UBE3A: variants seen among roughly 807,000 people sequenced by gnomAD.
UBE3A encodes the protein ubiquitin-protein ligase E3A.
A neutral mutation model predicts 83.4 loss-of-function variants in UBE3A; 6 were observed. The ratio of observed to expected loss-of-function variants is 0.07; its 90% CI spans 0.04 to 0.14. The LOEUF (loss-of-function observed/expected upper bound fraction) is 0.14. Among genes scored for constraint, UBE3A ranks in the 10% least tolerant of loss-of-function variants. The pLI is 1.00. For missense variants in UBE3A, 456 were observed against 1,036.1 expected (o/e 0.44, Z 7.69); for synonymous variants, 337 against 355.4 (o/e 0.95, Z 0.58).
intron 11 of UBE3A, among the ~76,000 whole-genome samples, chr15:25,342,377 A>G (rs944768405): frequency 1.2e-4 from 19 of 152,148 alleles, no homozygotes. Context: ...CAGTCTGGCT[A>G]TATTATTACG....
intron 6 of UBE3A, among the ~76,000 whole-genome samples, chr15:25,360,976 A>G (rs2077975891): frequency 6.6e-6 from 1 of 152,164 alleles, no homozygotes; most frequent in African/African-American, 2.4e-5. Flanking sequence ...AAATATTTCA[A>G]TTAAGAAAAA....
At chr15:25,388,189 T>C (rs2083545970) in intron 4 of UBE3A, among the ~76,000 whole-genome samples, 5 of 152,154 alleles carry the variant, frequency 3.3e-5, no homozygotes, top group Admixed American at 2.6e-4. Context: ...ATATTTGTCA[T>C]GAACAAAGAT....
In UBE3A at chr15:25,342,409, A is replaced by G. The variant is rs2074991970; in HGVS notation, c.2355-2181T>C. ...TACGGAGCTGTTTCTTTGGACTTTT[A>G]AACGAAACCTTTAAAAATTTTATAC... On this transcript the variant is annotated intron_variant, in intron 11 of 12. Transcript: ENST00000648336. Among the ~76,000 whole-genome samples, 3 of 152,096 alleles carry G rather than the reference A, an allele frequency of 2.0e-5. No individual in the cohort carries two copies. The South Asian group carries it at 6.2e-4, about 32-fold the overall frequency.
intron 1 of UBE3A, among the ~76,000 whole-genome samples, chr15:25,430,953 T>C (rs1893276451): frequency 6.6e-6 from 1 of 152,184 alleles, no homozygotes; most frequent in Non-Finnish European, 1.5e-5. Flanking sequence ...CAAGATCTTT[T>C]CATTTTTACA....
intron 1 of UBE3A, among the ~76,000 whole-genome samples, chr15:25,431,246 T>C (rs1893357644): frequency 6.6e-6 from 1 of 152,206 alleles, no homozygotes; most frequent in African/African-American, 2.4e-5. Flanking sequence ...TGGCAAAATG[T>C]GTTACAAAAG....
intron 11 of UBE3A, chr15:25,347,079 C>A (rs1343058317): frequency 6.6e-6 from 1 of 152,142 alleles, no homozygotes; most frequent in Non-Finnish European, 1.5e-5. Flanking sequence ...AAAAGAATTT[C>A]TCACTAGCAG....
chr15:25,339,388 A>G (rs1446821620), intron 12 of UBE3A, 131 bp from the exon 13 acceptor site: 1 of 1,174,538 alleles, frequency 8.5e-7, no homozygotes, highest in African/African-American at 1.5e-5. Flanking sequence ...ATTAATGCAA[A>G]TCATAAACTT....
chr15:25,380,240 CT>C (rs376054951), intron 4 of UBE3A, among the ~76,000 whole-genome samples: 6 of 149,498 alleles, frequency 4.0e-5, no homozygotes, highest in African/African-American at 4.9e-5. Flanking sequence ...AATTAAACTT[CT>C]TTTTTTTTTC....
At chr15:25,403,392 GTAACATACTACCTTATA>G (rs911514780) in intron 4 of UBE3A, among the ~76,000 whole-genome samples, 1 of 152,074 alleles carries the variant, frequency 6.6e-6, no homozygotes, top group Non-Finnish European at 1.5e-5. Flanking sequence ...CTAACCTACA[GTAACATACTACCTTATA>G]TCCACTACAA....
chr15:25,381,259 TCTGG>T, intron 4 of UBE3A, among the ~76,000 whole-genome samples: 1 of 152,322 alleles, frequency 6.6e-6, no homozygotes, highest in East Asian at 1.9e-4. Context: ...TCTTTCCGTG[TCTGG>T]CTTAGTTCAC....
At chr15:25,400,536 A>C (rs920208344) in intron 4 of UBE3A, among the ~76,000 whole-genome samples, 1 of 152,238 alleles carries the variant, frequency 6.6e-6, no homozygotes, top group Non-Finnish European at 1.5e-5. Context: ...AACCACTGAT[A>C]CTGGGAGCCA....
rs183538802 is a variant in UBE3A at position 25,369,361 on chromosome 15, A to T, written c.1608+1205T>A. Among the ~76,000 whole-genome samples, 519 of 149,912 alleles carry T rather than the reference A, an allele frequency of 3.5e-3. 4 individuals carry two copies. Among genetic ancestry groups the T allele is most frequent in the African/African-American group, 0.012 (501 of 40,252 alleles). On this transcript the variant is annotated intron_variant, in intron 6 of 12. Transcript: ENST00000648336. ...AACATATCTGACATTAAAAAAAAAA[A>T]ACAAACCAGTAACAAAAAAAAAAAA...
chr15:25,339,816 T>A (rs1005728833), intron 12 of UBE3A: 2 of 472,998 alleles, frequency 4.2e-6, no homozygotes, highest in African/African-American at 3.9e-5. Flanking sequence ...GGCTTTCAAT[T>A]AACAAGCTGG....
At chr15:25,389,400 G>A (rs2083813794) in intron 4 of UBE3A, among the ~76,000 whole-genome samples, 2 of 152,108 alleles carry the variant, frequency 1.3e-5, no homozygotes, top group South Asian at 4.1e-4. Flanking sequence ...TCTTGGGTTT[G>A]GTGATGACTT....
intron 4 of UBE3A, among the ~76,000 whole-genome samples, chr15:25,389,878 GCT>G (rs1312279881): frequency 6.6e-6 from 1 of 150,650 alleles, no homozygotes; most frequent in Non-Finnish European, 1.5e-5. Flanking sequence ...ACAGAGCGAG[GCT>G]CTGTCTCAAC....
chr15:25,359,070 T>C (rs746808642), intron 7 of UBE3A, among the ~76,000 whole-genome samples: 7 of 152,214 alleles, frequency 4.6e-5, no homozygotes, highest in Non-Finnish European at 1.0e-4. Context: ...CATTTTCTCA[T>C]GTTCCAGGGA....
chr15:25,410,420 C>T (rs1013811195), intron 2 of UBE3A, among the ~76,000 whole-genome samples: 1 of 152,118 alleles, frequency 6.6e-6, no homozygotes, highest in African/African-American at 2.4e-5. Flanking sequence ...ATCAAAAGAT[C>T]ATTTTGTGCA....
chr15:25,363,974 C>T (rs1463959540), intron 6 of UBE3A, among the ~76,000 whole-genome samples: 1 of 151,538 alleles, frequency 6.6e-6, no homozygotes. Context: ...GGCAGATTGC[C>T]TGAGCCCAGC....
chr15:25,398,908 C>T (rs941950177), intron 4 of UBE3A, among the ~76,000 whole-genome samples: 3 of 148,758 alleles, frequency 2.0e-5, no homozygotes, highest in Non-Finnish European at 4.5e-5. Context: ...TCCATAAATG[C>T]TGTACTAATT....
Sources: allele counts gnomAD v4.1 joint callset (sites outside exome capture counted in the v4.1 genomes callset), GRCh38; gene constraint gnomAD v4.1.1; transcripts MANE v1.5; gene names NCBI Gene and HGNC (gene_info 2026-07-23, HGNC 2026-07-21).